The following TENM1 variants were observed in gnomAD, a reference collection of about 807,000 sequenced individuals.
TENM1 encodes the protein teneurin-1.
In TENM1, 35 loss-of-function variants were observed where a neutral mutation model predicts 174.8. The ratio of observed to expected loss-of-function variants is 0.20; its 90% confidence interval spans 0.15 to 0.27. The LOEUF is 0.27. Among genes scored for constraint, TENM1 ranks in the 10% least tolerant of loss-of-function variants. TENM1 has a pLI of 1.00. For missense variants in TENM1, 1,633 were observed against 2,130.1 expected, an observed-to-expected ratio of 0.77 and a Z score of 4.59; for synonymous variants, 781 against 798.7, an observed-to-expected ratio of 0.98 and a Z score of 0.37.
intron 22 of TENM1, among the ~76,000 whole-genome samples, chrX:124,474,336 G>C (rs2061365271): frequency 9.0e-6 from 1 of 111,337 alleles, no homozygotes; most frequent in African/African-American, 3.3e-5. Context: ...GCTCAGGGAA[G>C]TTAGGTGACT....
the TENM1 span, among the ~76,000 whole-genome samples, chrX:125,067,843 T>G: frequency 5.3e-5 from 6 of 112,280 alleles, no homozygotes; most frequent in Admixed American, 5.7e-4. Flanking sequence ...CATCTTTCCC[T>G]TCTTTTTTTG....
the TENM1 span, among the ~76,000 whole-genome samples, chrX:125,181,281 C>T: frequency 9.0e-6 from 1 of 111,189 alleles, no homozygotes; most frequent in Non-Finnish European, 1.9e-5. Context: ...AATATGTGGC[C>T]GAATTGGATC....
Position 124,499,760 on chromosome X carries a change from C to T in TENM1, c.3446-2495G>A, listed in dbSNP as rs2047284887. On this transcript the variant is annotated intron_variant, in intron 19 of 31. Transcript: ENST00000422452. ...GCACAACATCATTGAAGAGAAATCT[C>T]CCGATGATTGCTAACAGAATATTCT... Among the ~76,000 whole-genome samples the T allele has an allele frequency of 3.6e-5, 4 of 111,586 alleles. No individual in the cohort carries two copies. In the South Asian group the frequency reaches 1.5e-3, roughly 41 times the overall value.
intron 25 of TENM1, among the ~76,000 whole-genome samples, chrX:124,411,044 C>T (rs746973868): frequency 1.8e-4 from 20 of 112,167 alleles, no homozygotes; most frequent in African/African-American, 6.1e-4. Context: ...GTACAAGGGT[C>T]AAAATTCCCA....
At chrX:124,642,212 G>T (rs757314210) in intron 10 of TENM1, among the ~76,000 whole-genome samples, 5 of 112,353 alleles carry the variant, frequency 4.5e-5, no homozygotes, top group Non-Finnish European at 9.4e-5. Context: ...AATCTCAATT[G>T]AGAAGGAAAA....
At chrX:124,427,031 C>T (rs1320593931) in intron 23 of TENM1, among the ~76,000 whole-genome samples, 3 of 111,787 alleles carry the variant, frequency 2.7e-5, no homozygotes, top group Admixed American at 9.5e-5. Context: ...ACTGGTCCTA[C>T]GGAGCATAGT....
chrX:124,522,752 A>G (rs1164568477), intron 17 of TENM1, among the ~76,000 whole-genome samples: 1 of 107,751 alleles, frequency 9.3e-6, no homozygotes, highest in Non-Finnish European at 1.9e-5. Flanking sequence ...GCAATGGTGC[A>G]GTCTCAGCTC....
intron 1 of TENM1, among the ~76,000 whole-genome samples, chrX:124,947,880 C>T (rs749001512): frequency 8.9e-6 from 1 of 111,991 alleles, no homozygotes; most frequent in South Asian, 3.7e-4. Context: ...GAAAAAAAAT[C>T]CCTTGGAAGA....
rs938254260 is a variant in TENM1 at position 124,953,212 on chromosome X, T to C, written c.217+10325A>G. ...TTTGACTGTTAATATGAAATATTGC[T>C]ACATTTCAAAATGCCATTTCTGAAT... On this transcript the variant is annotated intron_variant, in intron 1 of 31. Transcript: ENST00000422452. 7.1e-5 allele frequency among the ~76,000 whole-genome samples: 8 copies of C among 112,082 alleles called. No individual in the cohort carries two copies. The East Asian group carries it at 2.2e-3, about 31-fold the overall frequency.
intron 3 of TENM1, among the ~76,000 whole-genome samples, chrX:124,877,042 G>C (rs916387328): frequency 8.9e-6 from 1 of 111,784 alleles, no homozygotes; most frequent in Non-Finnish European, 1.9e-5. Context: ...CAGTTCAAAC[G>C]AAAATTTAAA....
At chrX:125,066,634 T>C in the TENM1 span, among the ~76,000 whole-genome samples, 11 of 112,034 alleles carry the variant, frequency 9.8e-5, 1 homozygote, top group African/African-American at 3.2e-4. Context: ...AAATATAGTA[T>C]AATTCTATTG....
At chrX:124,761,598 C>T (rs1186172157) in intron 3 of TENM1, among the ~76,000 whole-genome samples, 2 of 107,678 alleles carry the variant, frequency 1.9e-5, no homozygotes, top group Non-Finnish European at 3.8e-5. Flanking sequence ...ATGTAAATGA[C>T]GAGTTAATGC....
At chrX:124,450,353 C>T (rs1404063060) in intron 23 of TENM1, among the ~76,000 whole-genome samples, 6 of 60,664 alleles carry the variant, frequency 9.9e-5, no homozygotes, top group African/African-American at 2.9e-4. Context: ...GAGCGAGACT[C>T]CGTCTCAAAA....
chrX:124,644,239 C>T (rs1320907586), intron 10 of TENM1, among the ~76,000 whole-genome samples: 1 of 100,013 alleles, frequency 1.0e-5, no homozygotes, highest in Non-Finnish European at 2.0e-5. Context: ...CAGATATAAT[C>T]ATCACACCAA....
At chrX:125,169,005 T>TGTGC in the TENM1 span, among the ~76,000 whole-genome samples, 209 of 110,800 alleles carry the variant, frequency 1.9e-3, no homozygotes, top group African/African-American at 6.3e-3. Flanking sequence ...TGTGTGTGTG[T>TGTGC]GCGCACGCAG....
At chrX:124,737,256 G>C in intron 3 of TENM1, 59 bp from the exon 7 acceptor site, 1 of 1,093,574 alleles carries the variant, frequency 9.1e-7, no homozygotes, top group Non-Finnish European at 1.2e-6. Context: ...TGGCAGTCAG[G>C]GAAACCAGCA....
At chrX:124,981,398 C>T in the TENM1 span, among the ~76,000 whole-genome samples, 2 of 111,772 alleles carry the variant, frequency 1.8e-5, no homozygotes, top group South Asian at 7.6e-4. Context: ...ATGTACTATC[C>T]ATTTTACTTA....
chrX:124,415,625 CA>C (rs1310978847), intron 25 of TENM1, among the ~76,000 whole-genome samples: 4 of 111,891 alleles, frequency 3.6e-5, no homozygotes, highest in Admixed American at 9.4e-5. Context: ...TGTAAAATGA[CA>C]TCTAATGTCT....
At chrX:124,905,851 GAGAA>G (rs778799717) in intron 1 of TENM1, among the ~76,000 whole-genome samples, 1 of 111,679 alleles carries the variant, frequency 9.0e-6, no homozygotes, top group Non-Finnish European at 1.9e-5. Context: ...TCTGAGAATG[GAGAA>G]AGAGCCATCA....
Sources: allele counts gnomAD v4.1 joint callset (sites outside exome capture counted in the v4.1 genomes callset), GRCh38; gene constraint gnomAD v4.1.1; transcripts MANE v1.5; gene names NCBI Gene and HGNC (gene_info 2026-07-23, HGNC 2026-07-21).